Variants in PKM observed in about 807,000 individuals in gnomAD.
The protein encoded by PKM is pyruvate kinase M1/2, also known as pyruvate kinase PKM.
A neutral mutation model predicts 49.8 loss-of-function variants in PKM; 18 were observed. That is an observed-to-expected ratio of 0.36 (90% CI 0.25 to 0.54). The LOEUF is 0.54. PKM is among the 20% of genes least tolerant of loss of function. PKM has a pLI of 0.89. For missense variants in PKM, 508 were observed against 713.8 expected (o/e 0.71, Z 3.28); for synonymous variants, 239 against 261.8 (o/e 0.91, Z 0.84).
In PKM at chr15:72,202,613, C is replaced by A; in HGVS notation, c.1148G>T (p.Arg383Leu). Residue 383 changes from arginine (R) to leucine (L), a missense_variant, in exon 9 of 11, where the codon CGT becomes CTT. Transcript: ENST00000335181. The surrounding 1 kb of genome is among the most constrained non-coding windows in gnomAD (Gnocchi z 4.5). Reference protein sequence around the residue: ...EAVRMQHLIAREAEAAIYHLQ... With the variant: ...EAVRMQHLIALEAEAAIYHLQ... Reference sequence around the variant, plus strand: ...GTGGTAGATGGCAGCCTCTGCCTCACGGGCAATCTAGGGGAGCAACATCCG... The same window carrying A: ...GTGGTAGATGGCAGCCTCTGCCTCAAGGGCAATCTAGGGGAGCAACATCCG... 6.2e-7 allele frequency: 1 copy of A among 1,612,654 alleles called. No homozygotes were observed. Among genetic ancestry groups the A allele is most frequent in the Non-Finnish European group, 8.5e-7 (1 of 1,179,382 alleles).
chr15:72,224,841 G>A (rs530654974), intron 1 of PKM, among the ~76,000 whole-genome samples: 2 of 140,998 alleles, frequency 1.4e-5, no homozygotes, highest in Admixed American at 7.2e-5. Context: ...GCAACAGAGT[G>A]AAAAACTCTG....
rs575450877 is a variant in PKM, at chr15:72,210,626, G to A, written c.247-148C>T. ...CCATCCTCAGCACGATCCATGCACT[G>A]AGAAATCCTCTACCTGCTTAATCCA... is the stretch of plus-strand genomic sequence containing the variant. On this transcript the variant is annotated intron_variant, in intron 3 of 10. Coordinates refer to ENST00000335181, the MANE Select transcript of PKM (RefSeq NM_002654.6). 41 of 880,200 alleles carry A rather than the reference G, an allele frequency of 4.7e-5. No individual in the cohort carries two copies. The African/African-American group carries it at 4.8e-4, about 10-fold the overall frequency. The allele number at this position is 880,200 out of a possible 1,614,324, so 54.5% of individuals were successfully genotyped here. A position where few individuals can be genotyped will look rare whatever the true frequency, so the allele number is the denominator to read the frequency against.
intron 1 of PKM, among the ~76,000 whole-genome samples, chr15:72,220,577 C>T (rs2082495538): frequency 6.6e-6 from 1 of 152,186 alleles, no homozygotes; most frequent in Non-Finnish European, 1.5e-5. Flanking sequence ...GCTAACGGTT[C>T]AACATGGCAA....
chr15:72,210,109 C>A (rs2082211075), intron 4 of PKM: 1 of 628,710 alleles, frequency 1.6e-6, no homozygotes, highest in African/African-American at 1.8e-5. Context: ...AGTTAGAAAG[C>A]CTAAAGTTTA....
intron 2 of PKM, among the ~76,000 whole-genome samples, chr15:72,218,350 C>T (rs570338593): frequency 8.1e-4 from 123 of 152,228 alleles, no homozygotes; most frequent in African/African-American, 2.7e-3. Flanking sequence ...TGGTCTCGAA[C>T]TCCTGACCTC....
chr15:72,225,138 G>A (rs1336474226), intron 1 of PKM, among the ~76,000 whole-genome samples: 11 of 139,504 alleles, frequency 7.9e-5, no homozygotes, highest in African/African-American at 2.4e-4. Context: ...GGGTTTCACC[G>A]TGTTAGCCAG....
intron 1 of PKM, among the ~76,000 whole-genome samples, chr15:72,227,185 T>C (rs750972891): frequency 6.6e-6 from 1 of 152,268 alleles, no homozygotes; most frequent in Non-Finnish European, 1.5e-5. Context: ...TATTCCCATC[T>C]GTATCAGAAC....
chr15:72,222,039 ATG>A (rs1005899341), intron 1 of PKM, among the ~76,000 whole-genome samples: 1 of 152,172 alleles, frequency 6.6e-6, no homozygotes, highest in African/African-American at 2.4e-5. Context: ...GCTTTTGACA[ATG>A]TTCTGGTACA....
At chr15:72,224,933 T>C (rs1316876194) in intron 1 of PKM, among the ~76,000 whole-genome samples, 1 of 145,478 alleles carries the variant, frequency 6.9e-6, no homozygotes, top group Non-Finnish European at 1.5e-5. Context: ...TTTTTTTTTT[T>C]TTTTTTGAGA....
intron 1 of PKM, among the ~76,000 whole-genome samples, chr15:72,225,088 AT>A (rs59687887): frequency 0.2 from 23,105 of 116,532 alleles, 1,587 homozygotes; most frequent in Non-Finnish European, 0.22. Flanking sequence ...GGCCCGGCTA[AT>A]TTTTTTTTTT....
At chr15:72,214,230 G>A (rs2082323292) in intron 3 of PKM, among the ~76,000 whole-genome samples, 1 of 152,086 alleles carries the variant, frequency 6.6e-6, no homozygotes, top group South Asian at 2.1e-4. Flanking sequence ...TGAAACGTGG[G>A]GGTTTTTTTG....
chr15:72,231,188 T>C lies in PKM; in HGVS notation c.-86A>G, dbSNP rs528748133. On this transcript the variant is annotated 5_prime_UTR_variant, in exon 1 of 11. Transcript: ENST00000335181. ...GGAGCCACGGCGCGTGCAGCTGCTG[T>C]GCAAGGAGCCACTGCCTCAGCCTCA... 4 of 268,254 alleles carry C rather than the reference T, an allele frequency of 1.5e-5. No homozygotes were observed. The highest frequency in any genetic ancestry group is 8.8e-5 in the South Asian group (3 of 34,110). 16.6% of individuals were successfully genotyped at this position (268,254 alleles called of 1,614,324 possible).
At position 72,223,899 on chromosome 15, in the gene PKM, T is replaced by C. The variant is rs8192383; in HGVS notation, c.-13-4789A>G. On this transcript the variant is annotated intron_variant, in intron 1 of 10. Transcript: ENST00000335181. ...ACAAAATGAGCCCACTTGTAGGTTC[T>C]AGTAAAATTCCCTGGCTTTAAAAAA... is the stretch of plus-strand genomic sequence containing the variant. Among the ~76,000 whole-genome samples the C allele has an allele frequency of 1.3e-3, 193 of 143,296 alleles. 1 individual carries two copies. The highest frequency in any genetic ancestry group is 4.6e-3 in the African/African-American group (183 of 39,632). 94.0% of individuals were successfully genotyped at this position (143,296 alleles called of 152,430 possible).
intron 1 of PKM, chr15:72,228,691 A>G: frequency 1.7e-6 from 2 of 1,198,404 alleles, no homozygotes; most frequent in Non-Finnish European, 2.2e-6. Flanking sequence ...TCCCCACAAG[A>G]CAGCCCACTC....
At chr15:72,222,359 C>T (rs2082549327) in intron 1 of PKM, 1 of 152,250 alleles carries the variant, frequency 6.6e-6, no homozygotes. Flanking sequence ...TGAAGCCTCC[C>T]TTGCAGGGAG....
intron 1 of PKM, chr15:72,221,085 C>T (rs930126951): frequency 1.3e-5 from 10 of 791,054 alleles, no homozygotes; most frequent in Non-Finnish European, 1.9e-5. Flanking sequence ...TTTTTAAAAA[C>T]CATCAGCTGG....
intron 1 of PKM, among the ~76,000 whole-genome samples, chr15:72,230,518 G>C (rs892821797): frequency 6.6e-6 from 1 of 152,170 alleles, no homozygotes; most frequent in Admixed American, 6.5e-5. Context: ...GGGATGCGGG[G>C]GAGCGGACGT....
At position 72,226,029 on chromosome 15, in the gene PKM, T is replaced by C; in HGVS notation, c.-14+5087A>G. 1.3e-5 allele frequency among the ~76,000 whole-genome samples: 2 copies of C among 152,182 alleles called. 1 individual carries two copies. The highest frequency in any genetic ancestry group is 1.3e-4 in the Admixed American group (2 of 15,282). On this transcript the variant is annotated intron_variant, in intron 1 of 10. Transcript: ENST00000335181. ...AATGTTTGCCCATCGGTGACATTTG[T>C]TTTTCTGCTCATCTAATGTTAATAA...
At chr15:72,224,124 G>A (rs1444044222) in intron 1 of PKM, among the ~76,000 whole-genome samples, 2 of 152,152 alleles carry the variant, frequency 1.3e-5, no homozygotes, top group Admixed American at 1.3e-4. Context: ...CTCAGATGCC[G>A]AGGATTTCCT....
Sources: allele counts gnomAD v4.1 joint callset (sites outside exome capture counted in the v4.1 genomes callset), GRCh38; gene constraint gnomAD v4.1.1; non-coding constraint Gnocchi (gnomAD v3.1); transcripts MANE v1.5; gene names NCBI Gene and HGNC (gene_info 2026-07-23, HGNC 2026-07-21).